The following KLF13 variants were observed in gnomAD, a reference collection of about 807,000 sequenced individuals.
KLF13 encodes the protein Krueppel-like factor 13.
Under a neutral mutation model 16.7 loss-of-function variants are expected in KLF13, and 8 were observed. That is an observed-to-expected ratio of 0.48 (90% confidence interval 0.28 to 0.87). The LOEUF (loss-of-function observed/expected upper bound fraction) is 0.87, where lower values mean the gene tolerates loss of function less well. KLF13 is among the 40% of genes least tolerant of loss of function. KLF13 has a pLI of 0.10. For missense variants in KLF13, 447 were observed against 452.2 expected (o/e 0.99, Z 0.10); for synonymous variants, 245 against 208.4 (o/e 1.18, Z -1.51).
chr15:31,357,673 C>T (rs34863963), intron 1 of KLF13, among the ~76,000 whole-genome samples: 2,112 of 152,284 alleles, frequency 0.014, 24 homozygotes, highest in Non-Finnish European at 0.021. Context: ...AGAGCTCCCT[C>T]CTGTGTAGAC....
upstream of KLF13, among the ~76,000 whole-genome samples, chr15:31,388,857 T>TC (rs1229147026): frequency 6.6e-6 from 1 of 151,088 alleles, no homozygotes; most frequent in African/African-American, 2.4e-5. Flanking sequence ...GATTAAACTT[T>TC]TTTTTTTTTT....
intron 2 of KLF13, among the ~76,000 whole-genome samples, chr15:31,398,311 C>T (rs530470714): frequency 1.3e-5 from 2 of 152,270 alleles, no homozygotes; most frequent in South Asian, 4.1e-4. Context: ...TGCACCAGGA[C>T]ACAACAGACC....
intron 1 of KLF13, among the ~76,000 whole-genome samples, chr15:31,350,067 G>A (rs1353932345): frequency 2.0e-5 from 3 of 152,270 alleles, no homozygotes; most frequent in Non-Finnish European, 2.9e-5. Context: ...TCTCCATTGA[G>A]TGAAGCCCTA....
At chr15:31,346,506 C>T (rs2140943788) in intron 1 of KLF13, among the ~76,000 whole-genome samples, 1 of 152,300 alleles carries the variant, frequency 6.6e-6, no homozygotes, top group African/African-American at 2.4e-5. Context: ...GGCAGGAGCT[C>T]CTCCCCGGGT....
At position 31,327,554 on chromosome 15, in the gene KLF13, G is replaced by A. The variant is rs1336168632; in HGVS notation, c.342G>A (p.Ala114=). The change falls in exon 1 of 2, where the codon GCG becomes GCA. Residue 114 remains alanine (A), a synonymous_variant. Coordinates refer to ENST00000307145, the MANE Select transcript of KLF13 (RefSeq NM_015995.4). The part of the protein sequence containing the change: ...EPTSPGAEGA[A]AAPPSPAWSE... ...CCTCCCCCGGCGCCGAAGGCGCGGC[G>A]GCCGCGCCCCCCAGCCCGGCGTGGA... 5 of 1,117,342 alleles carry A rather than the reference G, an allele frequency of 4.5e-6. No homozygotes were observed. The highest frequency in any genetic ancestry group is 5.5e-6 in the Non-Finnish European group (5 of 913,184). 69.2% of individuals were successfully genotyped at this position (1,117,342 alleles called of 1,614,324 possible).
chr15:31,414,291 C>T (rs2040230834), intron 1 of KLF13, among the ~76,000 whole-genome samples: 1 of 151,932 alleles, frequency 6.6e-6, no homozygotes, highest in Non-Finnish European at 1.5e-5. Flanking sequence ...GCAGAAAAAG[C>T]AGTAAAGCAG....
At chr15:31,361,734 G>A (rs2140957164) in intron 1 of KLF13, among the ~76,000 whole-genome samples, 1 of 152,236 alleles carries the variant, frequency 6.6e-6, no homozygotes, top group Middle Eastern at 3.4e-3. Context: ...GGCTGTGCAG[G>A]TGCTTGTTCG....
intron 1 of KLF13, among the ~76,000 whole-genome samples, chr15:31,362,378 T>C (rs1297028122): frequency 6.6e-6 from 1 of 152,218 alleles, no homozygotes; most frequent in East Asian, 1.9e-4. Context: ...GATTGGACTT[T>C]ATTGCTATTT....
chr15:31,414,549 G>A lies in KLF13; in HGVS notation n.118-20821G>A, dbSNP rs1270534627. ...TGGAAAAAGATATGTCATGAAAACA[G>A]CAACCATAGGAAAGCTGGAGAGCCT... On this transcript the variant is annotated intron_variant and non_coding_transcript_variant, in intron 1 of 1. Coordinates refer to the KLF13 transcript ENST00000558225. 2.0e-5 allele frequency among the ~76,000 whole-genome samples: 3 copies of A among 152,076 alleles called. No individual in the cohort carries two copies. In the East Asian group the frequency reaches 5.8e-4, roughly 29 times the overall value.
intron 1 of KLF13, among the ~76,000 whole-genome samples, chr15:31,412,713 G>A (rs1339211689): frequency 6.6e-6 from 1 of 151,994 alleles, no homozygotes; most frequent in Non-Finnish European, 1.5e-5. Flanking sequence ...AATTTTGCCC[G>A]ATTGGAGACG....
chr15:31,354,594 G>A (rs933218606), intron 1 of KLF13, among the ~76,000 whole-genome samples: 3 of 152,012 alleles, frequency 2.0e-5, no homozygotes, highest in Non-Finnish European at 2.9e-5. Flanking sequence ...AATGTTGGCC[G>A]GGCTGGTCTT....
downstream of KLF13, among the ~76,000 whole-genome samples, chr15:31,381,217 A>G (rs1406717686): frequency 2.6e-5 from 4 of 151,906 alleles, no homozygotes; most frequent in Non-Finnish European, 5.9e-5. Flanking sequence ...GTAACAAATT[A>G]CCATAAGCAG....
chr15:31,336,164 G>T lies in KLF13; in HGVS notation c.577+8375G>T, dbSNP rs1163623715. The stretch of plus-strand genomic sequence containing the variant: ...GCGAGTGGTCAGGGCCCTGGGTGGG[G>T]CCTCCTCATTCCCTTTTGGAGCACT... On this transcript the variant is annotated intron_variant, in intron 1 of 1. Transcript: ENST00000307145. Among the ~76,000 whole-genome samples the T allele has an allele frequency of 2.6e-5, 4 of 152,248 alleles. No individual in the cohort carries two copies. In the East Asian group the frequency reaches 7.7e-4, roughly 29 times the overall value.
chr15:31,327,198 G>C lies in KLF13; in HGVS notation c.-15G>C. The C allele has an allele frequency of 7.6e-7, 1 of 1,316,870 alleles. No homozygotes were observed. Among genetic ancestry groups the C allele is most frequent in the Non-Finnish European group, 9.7e-7 (1 of 1,034,524 alleles). 81.6% of individuals were successfully genotyped at this position (1,316,870 alleles called of 1,614,324 possible). A position where few individuals can be genotyped will look rare whatever the true frequency, so the allele number is the denominator to read the frequency against. On this transcript the variant is annotated 5_prime_UTR_variant, in exon 1 of 2. Coordinates refer to ENST00000307145, the MANE Select transcript of KLF13 (RefSeq NM_015995.4). ...ACTCGCAGCAAGAGCACCGCCGCCG[G>C]CCCCAGCCCGCAGCATGGCAGCCGC...
chr15:31,431,729 GCTGGGATTACAGGCGTGA>G (rs2040474535), intron 1 of KLF13, among the ~76,000 whole-genome samples: 1 of 152,244 alleles, frequency 6.6e-6, no homozygotes, highest in Non-Finnish European at 1.5e-5. Context: ...CTCCCAAAGT[GCTGGGATTACAGGCGTGA>G]GCCACCGCGC....
At chr15:31,329,101 G>T (rs775018320) in intron 1 of KLF13, among the ~76,000 whole-genome samples, 4 of 152,208 alleles carry the variant, frequency 2.6e-5, no homozygotes, top group Non-Finnish European at 5.9e-5. Context: ...TTTCCCCAGG[G>T]AGGCTTTTGT....
intron 1 of KLF13, among the ~76,000 whole-genome samples, chr15:31,434,126 G>A (rs1302991791): frequency 6.6e-6 from 1 of 152,184 alleles, no homozygotes; most frequent in African/African-American, 2.4e-5. Context: ...CTGGTGCCAA[G>A]ACTGTGTGCC....
Position 31,327,608 on chromosome 15 carries a change from G to T in KLF13, c.396G>T (p.Glu132Asp). Residue 132 changes from glutamate to aspartate, a missense_variant, in exon 1 of 2, where the codon GAG becomes GAT. Around this residue, in one of 2 missense-constraint regions of KLF13, gnomAD observed 359 missense variants for 282.8 expected, o/e 1.27. Transcript: ENST00000307145. ...AGCCGGAGCCCGAGGCGGGGCTGGA[G>T]CCCGAGCGGGAGCCGGGGCCCGCGG... ...WSEPEPEAGL[E>D]PEREPGPAGS... 1.5e-6 allele frequency: 2 copies of T among 1,316,566 alleles called. No individual in the cohort carries two copies. Among genetic ancestry groups the T allele is most frequent in the Non-Finnish European group, 9.8e-7 (1 of 1,018,074 alleles). 81.6% of individuals were successfully genotyped at this position (1,316,566 alleles called of 1,614,324 possible). A position where few individuals can be genotyped will look rare whatever the true frequency, so the allele number is the denominator to read the frequency against.
rs2038733606 is a variant in KLF13, at chr15:31,327,458, G to C, written c.246G>C (p.Glu82Asp). Residue 82 changes from glutamate to aspartate, a missense_variant, in exon 1 of 2, where the codon GAG becomes GAC. This residue lies in a region of KLF13 where 359 missense variants were observed against 282.8 expected (regional missense o/e 1.27). Coordinates refer to ENST00000307145, the MANE Select transcript of KLF13 (RefSeq NM_015995.4). ...AAGCGCCGGCGCCCGCCCCGGCGGA[G>C]CGCAGGGAGGGCGCCGCGGCCCGGA... ...NQQAPAPAPA[E>D]RREGAAARKA... 1 of 1,224,766 alleles carries C rather than the reference G, an allele frequency of 8.2e-7. No homozygotes were observed. Among genetic ancestry groups the C allele is most frequent in the African/African-American group, 1.6e-5 (1 of 62,392 alleles). The allele number at this position is 1,224,766 out of a possible 1,614,324, so 75.9% of individuals were successfully genotyped here.
Sources: allele counts gnomAD v4.1 joint callset (sites outside exome capture counted in the v4.1 genomes callset), GRCh38; gene constraint gnomAD v4.1.1; regional missense constraint gnomAD v4.1.1; transcripts MANE v1.5; gene names NCBI Gene and HGNC (gene_info 2026-07-23, HGNC 2026-07-21).